Variants in MAGI2 observed in about 807,000 individuals in gnomAD.
MAGI2 encodes membrane-associated guanylate kinase, WW and PDZ domain-containing protein 2.
In MAGI2, 35 loss-of-function variants were observed where a neutral mutation model predicts 133.3. The observed-to-expected ratio is 0.26, with a 90% CI of 0.20 to 0.35. The LOEUF is 0.35. Among genes scored for constraint, MAGI2 ranks in the 10% least tolerant of loss-of-function variants. MAGI2 has a pLI of 1.00. For missense variants in MAGI2, 1,636 were observed against 1,863.4 expected, an observed-to-expected ratio of 0.88 and a Z score of 2.25; for synonymous variants, 729 against 710.6, an observed-to-expected ratio of 1.03 and a Z score of -0.41.
chr7:78,433,931 G>A (rs1345235722), intron 6 of MAGI2, among the ~76,000 whole-genome samples: 2 of 152,162 alleles, frequency 1.3e-5, no homozygotes, highest in Admixed American at 6.5e-5. Flanking sequence ...TTGAATGAAT[G>A]ATTGAATGAA....
chr7:78,214,306 C>A (rs1584423523), intron 10 of MAGI2, among the ~76,000 whole-genome samples: 4 of 152,172 alleles, frequency 2.6e-5, no homozygotes, highest in Admixed American at 1.3e-4. Context: ...TGTAGTAAAT[C>A]TTTTTCAGTG....
intron 1 of MAGI2, among the ~76,000 whole-genome samples, chr7:79,400,502 A>G (rs112199030): frequency 2.6e-5 from 4 of 152,300 alleles, no homozygotes; most frequent in African/African-American, 9.6e-5. Flanking sequence ...CAAGGAATAG[A>G]TGTACAGAAC....
In MAGI2 at chr7:79,179,361, C is replaced by A. The variant is rs149276243; in HGVS notation, c.302-172155G>T. Among the ~76,000 whole-genome samples the A allele has an allele frequency of 1.6e-3, 246 of 151,984 alleles. 4 individuals are homozygous for A. Among genetic ancestry groups the A allele is most frequent in the African/African-American group, 5.5e-3 (228 of 41,394 alleles). On this transcript the variant is annotated intron_variant, in intron 1 of 21. Coordinates refer to ENST00000354212, the MANE Select transcript of MAGI2 (RefSeq NM_012301.4). ...TAGAATGATTACTACCCAAAGCAAT[C>A]AACAGATTCAATGAAATGTCTATCA...
At chr7:78,329,161 A>AT (rs1562832433) in intron 9 of MAGI2, among the ~76,000 whole-genome samples, 1 of 152,208 alleles carries the variant, frequency 6.6e-6, no homozygotes, top group East Asian at 1.9e-4. Flanking sequence ...CAGCTGGAGC[A>AT]TATGAGAGGC....
At chr7:78,964,232 A>T (rs10281272) in intron 2 of MAGI2, among the ~76,000 whole-genome samples, 8,691 of 152,004 alleles carry the variant, frequency 0.057, 278 homozygotes, top group South Asian at 0.11. Flanking sequence ...AATCCTGCTA[A>T]CATTATAGTT....
chr7:78,993,950 C>T (rs1806037560), intron 2 of MAGI2, among the ~76,000 whole-genome samples: 1 of 152,086 alleles, frequency 6.6e-6, no homozygotes, highest in Non-Finnish European at 1.5e-5. Flanking sequence ...TATCACTCTG[C>T]ATATTAACCT....
intron 1 of MAGI2, among the ~76,000 whole-genome samples, chr7:79,104,486 G>A (rs1818271835): frequency 6.6e-6 from 1 of 152,028 alleles, no homozygotes; most frequent in Non-Finnish European, 1.5e-5. Context: ...AGCAAACATG[G>A]TAAAGCCCCA....
In MAGI2 at chr7:78,109,236, G is replaced by A. The variant is rs189039934; in HGVS notation, c.3567+16458C>T. Among the ~76,000 whole-genome samples the A allele has an allele frequency of 3.7e-4, 51 of 138,216 alleles. No individual in the cohort carries two copies. In the East Asian group the frequency reaches 8.4e-3, roughly 23 times the overall value. The allele number at this position is 138,216 out of a possible 152,430, so 90.7% of individuals were successfully genotyped here. A position where few individuals can be genotyped will look rare whatever the true frequency, so the allele number is the denominator to read the frequency against. ...GGAGAATGGCGCGAACCCAGGAGGC[G>A]GAGCTTGCAGTGAGCCGACATCGAG... is the stretch of plus-strand genomic sequence containing the variant. On this transcript the variant is annotated intron_variant, in intron 20 of 21. Transcript: ENST00000354212.
chr7:78,287,058 T>TA (rs1796217554), intron 9 of MAGI2, among the ~76,000 whole-genome samples: 1 of 152,180 alleles, frequency 6.6e-6, no homozygotes, highest in Non-Finnish European at 1.5e-5. Context: ...CTTTGTTTTA[T>TA]AATCTTCAGA....
intron 2 of MAGI2, among the ~76,000 whole-genome samples, chr7:78,839,670 G>A (rs574232954): frequency 3.0e-4 from 46 of 152,170 alleles, no homozygotes; most frequent in African/African-American, 1.1e-3. Context: ...GATCTCGTGA[G>A]AACTCACACA....
intron 14 of MAGI2, among the ~76,000 whole-genome samples, chr7:78,171,761 C>T (rs1826129830): frequency 6.6e-6 from 1 of 152,232 alleles, no homozygotes; most frequent in African/African-American, 2.4e-5. Context: ...AGTGAACCTT[C>T]CAGCCAACTC....
At chr7:79,320,194 T>C (rs1190465144) in intron 1 of MAGI2, among the ~76,000 whole-genome samples, 2 of 152,094 alleles carry the variant, frequency 1.3e-5, no homozygotes, top group Non-Finnish European at 2.9e-5. Context: ...AGTACTATGA[T>C]TTCCCATATA....
Position 78,631,959 on chromosome 7 carries a change from T to G in MAGI2, c.419-4720A>C, listed in dbSNP as rs563262989. On this transcript the variant is annotated intron_variant, in intron 2 of 21. Coordinates refer to ENST00000354212, the MANE Select transcript of MAGI2 (RefSeq NM_012301.4). ...GGGAACAATAGTAGTAGCATCTTCA[T>G]AGGGCTAATGTGAGGAACAAATGGG... is the stretch of plus-strand genomic sequence containing the variant. 5.3e-5 allele frequency among the ~76,000 whole-genome samples: 8 copies of G among 152,336 alleles called. No individual in the cohort carries two copies. In the South Asian group the frequency reaches 1.7e-3, roughly 32 times the overall value.
intron 1 of MAGI2, among the ~76,000 whole-genome samples, chr7:79,150,421 T>A (rs118187929): frequency 1.3e-5 from 2 of 152,344 alleles, no homozygotes; most frequent in East Asian, 3.9e-4. Flanking sequence ...ATTGCAGATT[T>A]TCTTTTGATG....
intron 6 of MAGI2, among the ~76,000 whole-genome samples, chr7:78,433,729 A>G (rs1481922691): frequency 1.3e-5 from 2 of 152,190 alleles, no homozygotes; most frequent in African/African-American, 2.4e-5. Flanking sequence ...AGTGTAAGGT[A>G]CAGAAAAGTA....
Position 79,424,388 on chromosome 7 carries a change from G to C in MAGI2, c.301+28632C>G, listed in dbSNP as rs150855539. On this transcript the variant is annotated intron_variant, in intron 1 of 21. Transcript: ENST00000354212. ...TTTTCATAGAAGCAGAGAGTAGAAT[G>C]GTGGTTGTGAGAGGCTGGTGGTTAG... Among the ~76,000 whole-genome samples, 958 of 152,152 alleles carry C rather than the reference G, an allele frequency of 6.3e-3. 7 individuals are homozygous for C. Among genetic ancestry groups the C allele is most frequent in the African/African-American group, 0.022 (897 of 41,492 alleles).
At chr7:78,164,294 C>T (rs1825404466) in intron 15 of MAGI2, among the ~76,000 whole-genome samples, 1 of 152,182 alleles carries the variant, frequency 6.6e-6, no homozygotes, top group Non-Finnish European at 1.5e-5. Context: ...GACAGCATTG[C>T]AGACAGGCAT....
intron 1 of MAGI2, chr7:79,125,585 G>T: frequency 2.0e-6 from 1 of 506,570 alleles, no homozygotes. Flanking sequence ...GGAGGAGGTG[G>T]AAGTGACTCT....
At chr7:79,242,888 C>T (rs1381890034) in intron 1 of MAGI2, among the ~76,000 whole-genome samples, 2 of 152,032 alleles carry the variant, frequency 1.3e-5, no homozygotes, top group Admixed American at 6.6e-5. Context: ...AAGCATAATG[C>T]TAATAGAAAT....
Sources: gnomAD v4.1 joint callset for allele counts (sites outside exome capture counted in the v4.1 genomes callset) on GRCh38, gnomAD v4.1.1 for gene constraint, MANE v1.5 for transcripts, NCBI Gene and HGNC (gene_info 2026-07-23, HGNC 2026-07-21) for gene names.